The following MYOM2 variants were observed in gnomAD, a reference collection of about 807,000 sequenced individuals.
The protein encoded by MYOM2 is myomesin 2.
A neutral mutation model predicts 187.6 loss-of-function variants in MYOM2; 254 were observed. The ratio of observed to expected loss-of-function variants is 1.35; its 90% confidence interval spans 1.22 to 1.50. MYOM2 has a LOEUF of 1.50. Among genes scored for constraint, MYOM2 ranks in the 40% most tolerant of loss-of-function variants. The pLI is 0.00. For missense variants in MYOM2, 2,796 were observed against 1,924.0 expected (o/e 1.45, Z -8.48); for synonymous variants, 981 against 753.8 (o/e 1.30, Z -4.94).
At chr8:2,132,154 C>A (rs1337675169) in intron 32 of MYOM2, among the ~76,000 whole-genome samples, 1 of 152,094 alleles carries the variant, frequency 6.6e-6, no homozygotes, top group Non-Finnish European at 1.5e-5. Flanking sequence ...ATACTTTAGC[C>A]ATTTGAGGCT....
chr8:2,144,735 C>T lies in MYOM2; in HGVS notation c.4152C>T (p.Asp1384=), dbSNP rs374520696. The T allele has an allele frequency of 1.2e-6, 2 of 1,614,000 alleles. No homozygotes were observed. Among genetic ancestry groups the T allele is most frequent in the African/African-American group, 2.7e-5 (2 of 74,900 alleles). ...TGATTTGGTTCAAGAACGACCAGGACATCCAGCTCAGCGAGCACTTCTCGG... is the reference window on the plus strand; with the variant it reads ...TGATTTGGTTCAAGAACGACCAGGATATCCAGCTCAGCGAGCACTTCTCGG... ...PEVIWFKNDQ[D]IQLSEHFSVK... is the part of the protein sequence containing the mutation. The change falls in exon 37 of 37, where the codon GAC becomes GAT. Residue 1384 remains aspartate, a synonymous_variant. Coordinates refer to ENST00000262113, the MANE Select transcript of MYOM2 (RefSeq NM_003970.4).
At chr8:2,100,766 T>G in intron 19 of MYOM2, 110 bp from the exon 20 acceptor site, 6 of 1,015,706 alleles carry the variant, frequency 5.9e-6, no homozygotes. Flanking sequence ...ATACGGATGG[T>G]CCTGGTGGGG....
In MYOM2 at chr8:2,100,566, C is replaced by G. The variant is rs145158363; in HGVS notation, c.2441-310C>G. On this transcript the variant is annotated intron_variant, in intron 19 of 36. Coordinates refer to ENST00000262113, the MANE Select transcript of MYOM2 (RefSeq NM_003970.4). ...GCCCCGTGGAGGGTAACTTGAGAAC[C>G]TGTCCTTTCCCGCACACCGTTCCTC... 2.4e-5 allele frequency: 8 copies of G among 339,806 alleles called. No homozygotes were observed. The East Asian group carries it at 3.8e-4, about 16-fold the overall frequency. The allele number at this position is 339,806 out of a possible 1,614,324, so 21.0% of individuals were successfully genotyped here.
chr8:2,079,309 G>A (rs148369373), intron 12 of MYOM2, among the ~76,000 whole-genome samples: 127 of 152,024 alleles, frequency 8.4e-4, no homozygotes, highest in Non-Finnish European at 1.3e-3. Context: ...AATGGGACTG[G>A]GCCCTTCGTT....
At chr8:2,082,788 AG>A (rs1376055832) in intron 13 of MYOM2, among the ~76,000 whole-genome samples, 1 of 152,218 alleles carries the variant, frequency 6.6e-6, no homozygotes, top group East Asian at 1.9e-4. Context: ...GGGCATTTGC[AG>A]CCCACATGCT....
intron 33 of MYOM2, 125 bp downstream of exon 33, chr8:2,141,011 T>C: frequency 3.8e-6 from 5 of 1,330,714 alleles, no homozygotes; most frequent in Non-Finnish European, 2.0e-6. Flanking sequence ...TTAGAGAAAA[T>C]GAAAAAATAA....
chr8:2,134,028 G>A (rs62480001), intron 32 of MYOM2, among the ~76,000 whole-genome samples: 1 of 149,896 alleles, frequency 6.7e-6, no homozygotes, highest in African/African-American at 2.5e-5. Context: ...CACCTCCACC[G>A]TCTTCCCCTG....
chr8:2,135,649 T>G (rs1798043444), intron 32 of MYOM2, among the ~76,000 whole-genome samples: 1 of 152,240 alleles, frequency 6.6e-6, no homozygotes, highest in African/African-American at 2.4e-5. Context: ...GTGAACCATT[T>G]TAACTTTAGT....
rs1313058912 is a variant in MYOM2 at position 2,100,108 on chromosome 8, CTTT to C, written c.2441-767_2441-765del. ...TCTTTCCTTCCTTCCTTCCTTCCTT[CTTT>C]CTTTCCTTCCTTCCTTCTTTCCTTC... On this transcript the variant is annotated intron_variant, in intron 19 of 36. Coordinates refer to ENST00000262113, the MANE Select transcript of MYOM2 (RefSeq NM_003970.4). Among the ~76,000 whole-genome samples, 396 of 88,748 alleles carry C rather than the reference CTTT, an allele frequency of 4.5e-3. 10 individuals are homozygous for C. Among genetic ancestry groups the C allele is most frequent in the Middle Eastern group, 7.8e-3 (1 of 128 alleles). The allele number at this position is 88,748 out of a possible 152,430, so 58.2% of individuals were successfully genotyped here.
At chr8:2,128,857 C>T (rs528079663) in intron 31 of MYOM2, among the ~76,000 whole-genome samples, 1 of 152,294 alleles carries the variant, frequency 6.6e-6, no homozygotes, top group Admixed American at 6.5e-5. Flanking sequence ...TGCTGAGGGG[C>T]AGATGTTGAA....
intron 6 of MYOM2, among the ~76,000 whole-genome samples, chr8:2,066,897 A>C (rs1475831482): frequency 6.6e-6 from 1 of 152,186 alleles, no homozygotes; most frequent in Non-Finnish European, 1.5e-5. Flanking sequence ...TTCAGGCTAG[A>C]ATTGTAGCTT....
At chr8:2,087,365 A>T (rs1181819788) in intron 14 of MYOM2, among the ~76,000 whole-genome samples, 1 of 152,198 alleles carries the variant, frequency 6.6e-6, no homozygotes, top group African/African-American at 2.4e-5. Context: ...AGACTCCAGC[A>T]TGGAGGAGGA....
chr8:2,120,981 G>C (rs1173459367), intron 28 of MYOM2, among the ~76,000 whole-genome samples: 1 of 151,772 alleles, frequency 6.6e-6, no homozygotes, highest in African/African-American at 2.4e-5. Flanking sequence ...ATTTATAAAA[G>C]AAGAGAAGGT....
In MYOM2 at chr8:2,100,126, TTCTTTCC is replaced by T. The variant is rs1796648343; in HGVS notation, c.2441-748_2441-742del. Among the ~76,000 whole-genome samples, 33 of 68,886 alleles carry T rather than the reference TTCTTTCC, an allele frequency of 4.8e-4. No homozygotes were observed. In the East Asian group the frequency reaches 0.012, roughly 26 times the overall value. 45.2% of individuals were successfully genotyped at this position (68,886 alleles called of 152,430 possible). On this transcript the variant is annotated intron_variant, in intron 19 of 36. Transcript: ENST00000262113. ...CTTCCTTCTTTCTTTCCTTCCTTCCTTCTTTCCTTCCTTCCTTCCTTCCTTCCTTCCT... is the reference window on the plus strand; with the variant it reads ...CTTCCTTCTTTCTTTCCTTCCTTCCTTTCCTTCCTTCCTTCCTTCCTTCCT...
chr8:2,070,183 G>A (rs926483915), intron 8 of MYOM2, among the ~76,000 whole-genome samples: 2 of 152,242 alleles, frequency 1.3e-5, no homozygotes, highest in African/African-American at 4.8e-5. Context: ...TTTCGAGGCA[G>A]CTTGTTTATG....
At chr8:2,075,926 A>T (rs1819401693) in intron 10 of MYOM2, among the ~76,000 whole-genome samples, 1 of 152,214 alleles carries the variant, frequency 6.6e-6, no homozygotes, top group Non-Finnish European at 1.5e-5. Context: ...TTTATCAAGG[A>T]TTCTATGTTT....
chr8:2,045,979 A>G (rs1818299818), intron 1 of MYOM2, among the ~76,000 whole-genome samples: 3 of 152,194 alleles, frequency 2.0e-5, no homozygotes, highest in Admixed American at 2.0e-4. Flanking sequence ...ACAGGACTCA[A>G]AGAAAGCGTG....
intron 15 of MYOM2, among the ~76,000 whole-genome samples, chr8:2,090,411 AAGTG>A (rs564035063): frequency 9.2e-4 from 140 of 152,324 alleles, no homozygotes; most frequent in African/African-American, 3.1e-3. Flanking sequence ...TGAAACCAGT[AAGTG>A]AGTTGAAAAA....
rs1796038587 is a variant in MYOM2, at chr8:2,086,247, T to TC, written c.1644+857_1644+858insC. Among the ~76,000 whole-genome samples, 3 of 93,224 alleles carry TC rather than the reference T, an allele frequency of 3.2e-5. 1 individual carries two copies. Among genetic ancestry groups the TC allele is most frequent in the African/African-American group, 5.9e-5 (2 of 33,842 alleles). 61.2% of individuals were successfully genotyped at this position (93,224 alleles called of 152,430 possible). On this transcript the variant is annotated intron_variant, in intron 14 of 36. Coordinates refer to ENST00000262113, the MANE Select transcript of MYOM2 (RefSeq NM_003970.4). The stretch of plus-strand genomic sequence containing the variant: ...TTTGTGGCCCCCCACTGTTGTGATC[T>TC]TTGCGTGGCCCCACTGTCATGATCT...
Sources: allele counts gnomAD v4.1 joint callset (sites outside exome capture counted in the v4.1 genomes callset), GRCh38; gene constraint gnomAD v4.1.1; transcripts MANE v1.5; gene names NCBI Gene and HGNC (gene_info 2026-07-23, HGNC 2026-07-21).